TDP1: variants seen among roughly 807,000 people sequenced by gnomAD.
TDP1 encodes the protein tyr-DNA phosphodiesterase 1.
Under a neutral mutation model 81.5 loss-of-function variants are expected in TDP1, and 64 were observed. That is an observed-to-expected ratio of 0.79 (90% confidence interval 0.64 to 0.97). TDP1 has a LOEUF of 0.97. TDP1 is among the 50% of genes least tolerant of loss of function. The probability of loss-of-function intolerance (pLI) is 0.00; values close to 1 mark genes in which losing one functional copy is unlikely to be tolerated. For synonymous variants in TDP1, 256 were observed against 264.3 expected (o/e 0.97, Z 0.30); for missense variants, 723 against 743.8 (o/e 0.97, Z 0.33).
At chr14:89,971,614 T>G (rs1246561779) in intron 6 of TDP1, among the ~76,000 whole-genome samples, 1 of 152,230 alleles carries the variant, frequency 6.6e-6, no homozygotes, top group Non-Finnish European at 1.5e-5. Context: ...CTGTCTCCCT[T>G]CGTTTTCTCT....
intron 16 of TDP1, among the ~76,000 whole-genome samples, chr14:90,038,274 G>A (rs1423457542): frequency 6.6e-6 from 1 of 152,200 alleles, no homozygotes; most frequent in Non-Finnish European, 1.5e-5. Flanking sequence ...ATTGGCACAT[G>A]AGGTATGCAT....
chr14:90,022,245 G>T (rs1415179406), intron 15 of TDP1, among the ~76,000 whole-genome samples: 1 of 152,208 alleles, frequency 6.6e-6, no homozygotes, highest in Non-Finnish European at 1.5e-5. Flanking sequence ...GGACTTTGTT[G>T]TGCATTACAG....
intron 2 of TDP1, among the ~76,000 whole-genome samples, chr14:89,960,275 G>T (rs1337747383): frequency 6.6e-6 from 1 of 150,586 alleles, no homozygotes; most frequent in African/African-American, 2.4e-5. Context: ...GGTTTTGTGG[G>T]TTTTTTTTTC....
chr14:90,026,352 T>A (rs1886650037), intron 15 of TDP1, among the ~76,000 whole-genome samples: 1 of 152,248 alleles, frequency 6.6e-6, no homozygotes, highest in Non-Finnish European at 1.5e-5. Context: ...CGTATCTTGG[T>A]ACCTGCTGAT....
intron 14 of TDP1, among the ~76,000 whole-genome samples, chr14:90,017,141 AAG>A (rs1369140882): frequency 1.3e-5 from 2 of 152,080 alleles, no homozygotes; most frequent in Non-Finnish European, 2.9e-5. Context: ...TTGTGGGAGC[AAG>A]AGACCCCTGT....
At chr14:89,976,527 CTTTTTTTTTTTTT>C (rs35744477) in intron 7 of TDP1, among the ~76,000 whole-genome samples, 4 of 88,762 alleles carry the variant, frequency 4.5e-5, no homozygotes, top group African/African-American at 1.5e-4. Flanking sequence ...CAACAGAGCT[CTTTTTTTTTTTTT>C]TTTTTTTTTT....
Position 89,976,786 on chromosome 14 carries a change from C to G in TDP1, c.791+971C>G, listed in dbSNP as rs887259655. On this transcript the variant is annotated intron_variant, in intron 7 of 16. Transcript: ENST00000335725. ...TCCTGACCTCAGGTGATCCACCCTC[C>G]TCTGCCTCCCCAAGTGTTGGGATTA... 3.3e-5 allele frequency among the ~76,000 whole-genome samples: 5 copies of G among 152,158 alleles called. No individual in the cohort carries two copies. In the South Asian group the frequency reaches 1.0e-3, roughly 32 times the overall value.
intron 9 of TDP1, 25 bp downstream of exon 9, chr14:89,984,708 G>A (rs758761287): frequency 1.9e-6 from 3 of 1,611,944 alleles, no homozygotes; most frequent in African/African-American, 1.3e-5. Flanking sequence ...ATCAATTTGG[G>A]GTGCTTATGA....
At chr14:89,984,789 G>A (rs1252751830) in intron 9 of TDP1, 106 bp downstream of exon 9, 4 of 1,596,880 alleles carry the variant, frequency 2.5e-6, no homozygotes, top group Non-Finnish European at 3.4e-6. Context: ...GTGAAATCTA[G>A]CCAAGCTTCA....
chr14:90,007,234 C>A (rs1884135762), intron 14 of TDP1, among the ~76,000 whole-genome samples: 1 of 152,044 alleles, frequency 6.6e-6, no homozygotes, highest in South Asian at 2.1e-4. Flanking sequence ...ATTTGTTTTT[C>A]TAAAACTCCC....
intron 14 of TDP1, among the ~76,000 whole-genome samples, chr14:90,008,224 C>T (rs1318029599): frequency 6.6e-6 from 1 of 152,200 alleles, no homozygotes; most frequent in Non-Finnish European, 1.5e-5. Context: ...TTATGAGATG[C>T]TTGTCGGACC....
At chr14:89,990,647 C>A (rs1385638006) in intron 12 of TDP1, among the ~76,000 whole-genome samples, 1 of 134,756 alleles carries the variant, frequency 7.4e-6, no homozygotes, top group Non-Finnish European at 1.6e-5. Flanking sequence ...TTTTGTGCCT[C>A]TAATAGGCTA....
chr14:90,032,314 T>C (rs758592020), intron 15 of TDP1, among the ~76,000 whole-genome samples: 1 of 152,082 alleles, frequency 6.6e-6, no homozygotes, highest in Non-Finnish European at 1.5e-5. Context: ...CACTGTTGGG[T>C]ATGTGCCTAT....
chr14:89,989,780 G>C lies in TDP1; in HGVS notation c.1366+15G>C, dbSNP rs1895984142. 1.9e-6 allele frequency: 3 copies of C among 1,594,180 alleles called. No individual in the cohort carries two copies. The highest frequency in any genetic ancestry group is 1.7e-4 in the Middle Eastern group (1 of 6,014). ...AGGATATCCTGGTAATTCTTGGGGAGACTGTCTTGATTGTGTTTTATGTAT... is the reference window on the plus strand; with the variant it reads ...AGGATATCCTGGTAATTCTTGGGGACACTGTCTTGATTGTGTTTTATGTAT... On this transcript the variant is annotated intron_variant, in intron 12 of 16. Transcript: ENST00000335725.
chr14:89,975,309 T>C, intron 6 of TDP1: 1 of 521,882 alleles, frequency 1.9e-6, no homozygotes, highest in Non-Finnish European at 2.5e-6. Context: ...ATCTCCTGAC[T>C]TCGTGATGTG....
intron 7 of TDP1, among the ~76,000 whole-genome samples, chr14:89,979,461 G>A (rs113426288): frequency 6.6e-6 from 1 of 151,832 alleles, no homozygotes; most frequent in Non-Finnish European, 1.5e-5. Context: ...AGGTGCCCAC[G>A]ACCACACCTA....
At chr14:89,956,906 T>G (rs1891720765) in intron 2 of TDP1, 106 bp downstream of exon 2, 1 of 152,206 alleles carries the variant, frequency 6.6e-6, no homozygotes, top group Admixed American at 6.5e-5. Context: ...CTCAAAAAAA[T>G]AAATGTAAAT....
At chr14:89,971,660 C>T (rs932820772) in intron 6 of TDP1, among the ~76,000 whole-genome samples, 1 of 152,130 alleles carries the variant, frequency 6.6e-6, no homozygotes, top group Non-Finnish European at 1.5e-5. Flanking sequence ...CAGTTTTACT[C>T]AATGTAGTAT....
intron 13 of TDP1, 48 bp downstream of exon 13, chr14:89,992,031 G>A: frequency 6.6e-7 from 1 of 1,507,656 alleles, no homozygotes; most frequent in Non-Finnish European, 9.2e-7. Flanking sequence ...AGGAATTAGA[G>A]TGTTATTTAT....
Sources: gnomAD v4.1 joint callset for allele counts (sites outside exome capture counted in the v4.1 genomes callset) on GRCh38, gnomAD v4.1.1 for gene constraint, MANE v1.5 for transcripts, NCBI Gene and HGNC (gene_info 2026-07-23, HGNC 2026-07-21) for gene names.